Variants in GTF2H1 observed in about 807,000 individuals in gnomAD.
The protein encoded by GTF2H1 is BTF2 p62.
In GTF2H1, 16 loss-of-function variants were observed where a neutral mutation model predicts 71.2. That is an observed-to-expected ratio of 0.22 (90% CI 0.15 to 0.34). The LOEUF (loss-of-function observed/expected upper bound fraction) is 0.34. GTF2H1 is among the 10% of genes least tolerant of loss of function. GTF2H1 has a pLI of 1.00. For missense variants in GTF2H1, 498 were observed against 648.2 expected, an observed-to-expected ratio of 0.77 and a Z score of 2.52; for synonymous variants, 215 against 219.0, an observed-to-expected ratio of 0.98 and a Z score of 0.16.
At chr11:18,340,714 A>G (rs115298762) in intron 5 of GTF2H1, among the ~76,000 whole-genome samples, 65 of 152,354 alleles carry the variant, frequency 4.3e-4, no homozygotes, top group African/African-American at 1.4e-3. Context: ...AGGTACTGTT[A>G]TGACCCTCAT....
At chr11:18,332,792 A>G (rs946821394) in intron 1 of GTF2H1, 9 of 235,904 alleles carry the variant, frequency 3.8e-5, no homozygotes, top group African/African-American at 1.6e-4. Context: ...TAAGAATATA[A>G]CTGAGGAAAA....
At chr11:18,335,582 T>C (rs764418560) in intron 2 of GTF2H1, among the ~76,000 whole-genome samples, 172 bp from the exon 3 acceptor site, 2 of 152,158 alleles carry the variant, frequency 1.3e-5, no homozygotes, top group Non-Finnish European at 2.9e-5. Context: ...ATGAGCATGC[T>C]CTGGTTGTAT....
intron 5 of GTF2H1, among the ~76,000 whole-genome samples, chr11:18,340,370 C>T (rs1053040835): frequency 6.6e-6 from 1 of 152,062 alleles, no homozygotes; most frequent in African/African-American, 2.4e-5. Context: ...TCACTGCAAC[C>T]TCCGCCTCCC....
intron 2 of GTF2H1, among the ~76,000 whole-genome samples, chr11:18,333,794 T>G (rs1243914441): frequency 2.0e-5 from 3 of 152,212 alleles, no homozygotes; most frequent in Non-Finnish European, 2.9e-5. Flanking sequence ...TTGGCCAGGT[T>G]TATGCATTTA....
chr11:18,351,124 A>G (rs1000540988), intron 9 of GTF2H1, among the ~76,000 whole-genome samples: 3 of 152,144 alleles, frequency 2.0e-5, no homozygotes, highest in African/African-American at 7.2e-5. Flanking sequence ...TGGATCTAAG[A>G]TTAAGCAAAA....
intron 13 of GTF2H1, among the ~76,000 whole-genome samples, chr11:18,360,016 G>C (rs1055867871): frequency 3.3e-5 from 5 of 151,994 alleles, no homozygotes; most frequent in Non-Finnish European, 1.5e-5. Context: ...CAAAGCTGCA[G>C]TGAGCCATGA....
intron 9 of GTF2H1, among the ~76,000 whole-genome samples, chr11:18,350,319 G>A (rs1375836555): frequency 1.3e-5 from 2 of 152,138 alleles, no homozygotes; most frequent in African/African-American, 4.8e-5. Flanking sequence ...AGCTTGGGTA[G>A]GGACATGTCA....
chr11:18,360,087 A>G lies in GTF2H1; in HGVS notation c.1468-528A>G, dbSNP rs1043165942. The stretch of plus-strand genomic sequence containing the variant: ...AGACCCTGTCTCTAAATGAATGAAT[A>G]AATGAATGAGTGACTATTTAAATGA... On this transcript the variant is annotated intron_variant, in intron 13 of 14. Coordinates refer to ENST00000265963, the MANE Select transcript of GTF2H1 (RefSeq NM_005316.4). 2.6e-5 allele frequency among the ~76,000 whole-genome samples: 4 copies of G among 151,896 alleles called. No individual in the cohort carries two copies. The South Asian group carries it at 6.2e-4, about 24-fold the overall frequency.
chr11:18,355,654 C>G (rs1052780915), intron 11 of GTF2H1, among the ~76,000 whole-genome samples: 10 of 151,928 alleles, frequency 6.6e-5, no homozygotes, highest in Non-Finnish European at 1.3e-4. Flanking sequence ...GCTGGGACTC[C>G]AGGCATGTGT....
At position 18,360,684 on chromosome 11, in the gene GTF2H1, C is replaced by T. The variant is rs369310017; in HGVS notation, c.1537C>T (p.Arg513Trp). Residue 513 changes from arginine to tryptophan, a missense_variant, in exon 14 of 15, where the codon CGG becomes TGG. Physicochemically the swap from Arg to Trp is moderately radical, Grantham distance 101 (BLOSUM62 -3). Transcript: ENST00000265963. ...TKLCPFQEKI[R>W]RQYLSTNLVS... is the part of the protein sequence containing the mutation. ...GCTCTGTCCATTCCAAGAAAAGATTCGGAGACAGTATTTAAGCACAAATGT... is the reference window on the plus strand; with the variant it reads ...GCTCTGTCCATTCCAAGAAAAGATTTGGAGACAGTATTTAAGCACAAATGT... 9.0e-6 allele frequency: 14 copies of T among 1,563,718 alleles called. No individual in the cohort carries two copies. Among genetic ancestry groups the T allele is most frequent in the South Asian group, 6.1e-5 (5 of 81,862 alleles).
At chr11:18,349,863 G>T (rs1211831714) in intron 9 of GTF2H1, among the ~76,000 whole-genome samples, 1 of 152,146 alleles carries the variant, frequency 6.6e-6, no homozygotes, top group African/African-American at 2.4e-5. Context: ...CTTTAAATGT[G>T]TTCCGAACAC....
At chr11:18,328,287 G>A (rs991690714) in intron 1 of GTF2H1, among the ~76,000 whole-genome samples, 2 of 151,648 alleles carry the variant, frequency 1.3e-5, no homozygotes, top group Non-Finnish European at 2.9e-5. Context: ...GAGGCAGGTG[G>A]ATCACCTGAG....
chr11:18,346,742 T>TC (rs1459453934), intron 7 of GTF2H1, among the ~76,000 whole-genome samples: 47 of 133,606 alleles, frequency 3.5e-4, no homozygotes, highest in Admixed American at 5.2e-4. Context: ...ACTTTTTTTT[T>TC]TTTTTTTTTT....
At chr11:18,334,757 TAC>T (rs1329676189) in intron 2 of GTF2H1, among the ~76,000 whole-genome samples, 3 of 152,348 alleles carry the variant, frequency 2.0e-5, no homozygotes, top group East Asian at 3.9e-4. Context: ...TAAAGAATGA[TAC>T]AGTGAAAACC....
chr11:18,352,444 C>T lies in GTF2H1; in HGVS notation c.1258C>T (p.Gln420Ter). Residue 420 changes from glutamine (Q) to a stop codon, truncating the protein, a stop_gained and splice_region_variant, in exon 11 of 15, where the codon CAG becomes TAG. Coordinates refer to ENST00000265963, the MANE Select transcript of GTF2H1 (RefSeq NM_005316.4). LOFTEE classifies it high-confidence loss of function. ...EMEAYTPKLT[Q>*]VLSSSAASST... The stretch of plus-strand genomic sequence containing the variant: ...GGAAGCTTATACACCCAAGTTAACT[C>T]AGGTAGGTGACTTCTACTGTTTGAA... The T allele has an allele frequency of 8.2e-7, 1 of 1,216,608 alleles. No individual in the cohort carries two copies. Among genetic ancestry groups the T allele is most frequent in the Non-Finnish European group, 1.2e-6 (1 of 818,736 alleles). The allele number at this position is 1,216,608 out of a possible 1,614,324, so 75.4% of individuals were successfully genotyped here.
chr11:18,357,979 A>G lies in GTF2H1; in HGVS notation c.1288A>G (p.Thr430Ala). Residue 430 changes from threonine (T) to alanine (A), a missense_variant, in exon 12 of 15, where the codon ACC becomes GCC. By Grantham distance (58) the Thr-to-Ala change is moderately conservative. This residue lies in a region of GTF2H1 where 266 missense variants were observed against 301.6 expected (regional missense o/e 0.88). Transcript: ENST00000265963. ...QVLSSSAASS[T>A]ITALSPGGAL... is the part of the protein sequence containing the mutation. ...TCTCTCAAGTAGTGCTGCCAGTAGT[A>G]CCATCACAGCACTGTCACCTGGAGG... The G allele has an allele frequency of 1.9e-6, 3 of 1,611,172 alleles. No homozygotes were observed. In the South Asian group the frequency reaches 3.3e-5, roughly 18 times the overall value.
chr11:18,335,208 G>C (rs530613479), intron 2 of GTF2H1, among the ~76,000 whole-genome samples: 3 of 152,268 alleles, frequency 2.0e-5, no homozygotes, highest in South Asian at 2.1e-4. Context: ...TTCACTTCCT[G>C]TTCCATCACC....
chr11:18,358,139 T>C, intron 12 of GTF2H1, 97 bp downstream of exon 12: 2 of 767,896 alleles, frequency 2.6e-6, no homozygotes, highest in South Asian at 3.1e-5. Flanking sequence ...TTCCTTGGAA[T>C]AATCCTGGGA....
intron 7 of GTF2H1, among the ~76,000 whole-genome samples, chr11:18,346,733 C>CTTTTTTTTTTTTTTTTTTT (rs35494754): frequency 2.9e-4 from 25 of 85,224 alleles, no homozygotes; most frequent in East Asian, 2.1e-3. Context: ...TTTTTATTTA[C>CTTTTTTTTTTTTTTTTTTT]TTTTTTTTTT....
Sources: gnomAD v4.1 joint callset for allele counts (sites outside exome capture counted in the v4.1 genomes callset) on GRCh38, gnomAD v4.1.1 for gene constraint, gnomAD v4.1.1 regional missense constraint, MANE v1.5 for transcripts, NCBI Gene and HGNC (gene_info 2026-07-23, HGNC 2026-07-21) for gene names.